Variants in SHROOM2 observed in about 807,000 individuals in gnomAD.
SHROOM2 encodes the protein protein Shroom2.
SHROOM2 carries 33 observed loss-of-function variants against 75.9 expected under a neutral mutation model. The observed-to-expected ratio is 0.43, with a 90% CI of 0.33 to 0.58. The LOEUF (loss-of-function observed/expected upper bound fraction) is 0.58. Ranked by LOEUF, SHROOM2 falls within the 20% of genes least tolerant of loss-of-function variation. The pLI, the probability that SHROOM2 is intolerant of heterozygous loss-of-function variation, is 0.04. For missense variants in SHROOM2, 1,434 were observed against 1,461.2 expected (o/e 0.98, Z 0.30); for synonymous variants, 655 against 663.6 (o/e 0.99, Z 0.20).
chrX:9,809,170 A>G (rs963602705), intron 1 of SHROOM2, among the ~76,000 whole-genome samples: 1 of 110,050 alleles, frequency 9.1e-6, no homozygotes, highest in Non-Finnish European at 1.9e-5. Flanking sequence ...ATTAACTCAC[A>G]TGATCACAAT....
At chrX:9,836,496 CTCT>C (rs1271805593) in intron 1 of SHROOM2, among the ~76,000 whole-genome samples, 4 of 109,180 alleles carry the variant, frequency 3.7e-5, no homozygotes, top group African/African-American at 1.3e-4. Context: ...CTCTCTCTCT[CTCT>C]TTTCTCCCTC....
intron 1 of SHROOM2, among the ~76,000 whole-genome samples, chrX:9,798,225 A>C (rs2083705426): frequency 9.0e-6 from 1 of 111,184 alleles, no homozygotes. Flanking sequence ...GCCCAAGTCC[A>C]GCTGAAAACC....
At chrX:9,792,076 GAATA>G in intron 1 of SHROOM2, among the ~76,000 whole-genome samples, 1 of 8,074 alleles carries the variant, frequency 1.2e-4, no homozygotes, top group Admixed American at 2.3e-3. Flanking sequence ...GAATAGAATA[GAATA>G]GAATAGAATA....
At chrX:9,808,045 C>G (rs1315708814) in intron 1 of SHROOM2, among the ~76,000 whole-genome samples, 2 of 111,538 alleles carry the variant, frequency 1.8e-5, no homozygotes, top group African/African-American at 6.5e-5. Flanking sequence ...GAGAACTGGT[C>G]TGTGGATTGT....
Position 9,887,358 on chromosome X carries a change from G to T in SHROOM2, c.318-3619G>T, listed in dbSNP as rs901452083. Among the ~76,000 whole-genome samples the T allele has an allele frequency of 5.3e-5, 6 of 112,529 alleles. No individual in the cohort carries two copies. The Admixed American group carries it at 5.6e-4, about 11-fold the overall frequency. On this transcript the variant is annotated intron_variant, in intron 2 of 9. Transcript: ENST00000380913. ...TACTTCCTGGATATTTTCAGAAGCA[G>T]ATTTAAGGCCGAGCATGGTGGCGCA...
In SHROOM2 at chrX:9,856,044, T is replaced by TA. The variant is rs1555927914; in HGVS notation, c.166-17605dup. Reference sequence around the variant, plus strand: ...GTTTCCTTTTTTTTTTTTTTTTTTTTAAAGCAAAACCGAATGAACTTGGGG... The same window carrying TA: ...GTTTCCTTTTTTTTTTTTTTTTTTTTAAAAGCAAAACCGAATGAACTTGGGG... On this transcript the variant is annotated intron_variant, in intron 1 of 9. Transcript: ENST00000380913. Among the ~76,000 whole-genome samples the TA allele has an allele frequency of 8.7e-3, 928 of 106,697 alleles. 10 individuals carry two copies. Among genetic ancestry groups the TA allele is most frequent in the African/African-American group, 0.029 (851 of 29,001 alleles). The allele number at this position is 106,697 out of a possible 115,157, so 92.7% of individuals were successfully genotyped here. A position where few individuals can be genotyped will look rare whatever the true frequency, so the allele number is the denominator to read the frequency against.
At position 9,937,256 on chromosome X, in the gene SHROOM2, C is replaced by T; in HGVS notation, c.3710C>T (p.Ala1237Val). ...QSLACPAEPP[A>V]LPHGLEKDQI... ...CTGGCATGCCCCGCCGAGCCACCTG[C>T]CCTGCCCCACGGGCTGGAGAAAGAC... Residue 1237 changes from alanine (A) to valine (V), a missense_variant, in exon 7 of 10, where the codon GCC (alanine) becomes GTC (valine). Around this residue, in one of 3 missense-constraint regions of SHROOM2, gnomAD observed 1,340 missense variants for 1,338.3 expected, o/e 1.00. Transcript: ENST00000380913. The T allele has an allele frequency of 8.3e-7, 1 of 1,210,166 alleles. No individual in the cohort carries two copies. Among genetic ancestry groups the T allele is most frequent in the Non-Finnish European group, 1.1e-6 (1 of 894,645 alleles).
intron 1 of SHROOM2, among the ~76,000 whole-genome samples, chrX:9,809,518 A>G (rs1243144591): frequency 8.9e-6 from 1 of 112,096 alleles, no homozygotes; most frequent in Non-Finnish European, 1.9e-5. Context: ...CCCCTTGTCA[A>G]TGTGAGATCG....
At chrX:9,936,299 A>T (rs1324243427) in intron 6 of SHROOM2, among the ~76,000 whole-genome samples, 2 of 109,595 alleles carry the variant, frequency 1.8e-5, no homozygotes, top group Admixed American at 1.9e-4. Flanking sequence ...TTTAGTAGAG[A>T]CAGGGTTTCT....
intron 9 of SHROOM2, among the ~76,000 whole-genome samples, chrX:9,945,601 C>A (rs1292720804): frequency 9.0e-6 from 1 of 111,587 alleles, no homozygotes; most frequent in Non-Finnish European, 1.9e-5. Flanking sequence ...TTTTACTTTT[C>A]TTTTACCATG....
chrX:9,822,164 G>A (rs181014624), intron 1 of SHROOM2, among the ~76,000 whole-genome samples: 2 of 112,113 alleles, frequency 1.8e-5, no homozygotes, highest in Non-Finnish European at 3.8e-5. Context: ...CTGGGAAAGA[G>A]TGTGTGTTGT....
At chrX:9,840,199 C>T (rs1373103757) in intron 1 of SHROOM2, among the ~76,000 whole-genome samples, 1 of 112,797 alleles carries the variant, frequency 8.9e-6, no homozygotes, top group Non-Finnish European at 1.9e-5. Context: ...ATTCAACTCA[C>T]ATGCAGTTGG....
At chrX:9,832,219 A>G (rs1188139707) in intron 1 of SHROOM2, among the ~76,000 whole-genome samples, 2 of 112,150 alleles carry the variant, frequency 1.8e-5, no homozygotes, top group African/African-American at 6.5e-5. Context: ...GCCTGTCCAG[A>G]GGCAGGGAGC....
rs373674456 is a variant in SHROOM2 at position 9,869,251 on chromosome X, G to A, written c.166-4401G>A. On this transcript the variant is annotated intron_variant, in intron 1 of 9. Transcript: ENST00000380913. Reference sequence around the variant, plus strand: ...GCTGGGATTACAGGCATGAGCCACCGCACCCAGCCCCTTGTTTTTAGATAT... The same window carrying A: ...GCTGGGATTACAGGCATGAGCCACCACACCCAGCCCCTTGTTTTTAGATAT... Among the ~76,000 whole-genome samples, 206 of 112,779 alleles carry A rather than the reference G, an allele frequency of 1.8e-3. 1 individual carries two copies. Among genetic ancestry groups the A allele is most frequent in the African/African-American group, 6.1e-3 (189 of 31,109 alleles).
intron 1 of SHROOM2, among the ~76,000 whole-genome samples, chrX:9,817,064 T>C (rs1297367994): frequency 9.0e-6 from 1 of 110,713 alleles, no homozygotes; most frequent in African/African-American, 3.3e-5. Flanking sequence ...CTTCAATTCC[T>C]GGGCTCAAGT....
chrX:9,844,376 G>A (rs1460752375), intron 1 of SHROOM2, among the ~76,000 whole-genome samples: 1 of 111,211 alleles, frequency 9.0e-6, no homozygotes, highest in Non-Finnish European at 1.9e-5. Flanking sequence ...GCCAGGCATG[G>A]TGGTGTGCAT....
chrX:9,936,105 C>CTT (rs1292071752), intron 6 of SHROOM2, among the ~76,000 whole-genome samples: 3 of 105,656 alleles, frequency 2.8e-5, no homozygotes, highest in African/African-American at 7.1e-5. Flanking sequence ...AGAAACTTTT[C>CTT]TTTTTTTTTT....
chrX:9,946,115 C>T (rs767053263), intron 9 of SHROOM2, among the ~76,000 whole-genome samples: 3 of 112,898 alleles, frequency 2.7e-5, no homozygotes, highest in African/African-American at 6.4e-5. Context: ...GGCTGCTGGC[C>T]GACACCCGTG....
chrX:9,890,979 G>A lies in SHROOM2; in HGVS notation c.320G>A (p.Arg107Lys). The change falls in exon 3 of 10, where the codon AGG becomes AAG. Residue 107 changes from arginine (R) to lysine (K), a missense_variant and splice_region_variant. Around this residue, in one of 3 missense-constraint regions of SHROOM2, gnomAD observed 1,340 missense variants for 1,338.3 expected, o/e 1.00. Transcript: ENST00000380913. ...HKTLKLVVKR[R>K]SELGWRPHSW... ...GCCTCCCCTGCGTTCTTTTCTAGGA[G>A]GAGCGAGCTGGGCTGGAGGCCTCAC... is the stretch of plus-strand genomic sequence containing the variant. 8.3e-7 allele frequency: 1 copy of A among 1,203,758 alleles called. No homozygotes were observed. Among genetic ancestry groups the A allele is most frequent in the Non-Finnish European group, 1.1e-6 (1 of 891,810 alleles).
Sources: allele counts gnomAD v4.1 joint callset (sites outside exome capture counted in the v4.1 genomes callset), GRCh38; gene constraint gnomAD v4.1.1; regional missense constraint gnomAD v4.1.1; transcripts MANE v1.5; gene names NCBI Gene and HGNC (gene_info 2026-07-23, HGNC 2026-07-21).